The following ITPR1 variants were observed in gnomAD, a reference collection of about 807,000 sequenced individuals.
The protein encoded by ITPR1 is inositol 1,4,5-trisphosphate-gated calcium channel ITPR1.
A neutral mutation model predicts 318.4 loss-of-function variants in ITPR1; 96 were observed. The ratio of observed to expected loss-of-function variants is 0.30; its 90% CI spans 0.26 to 0.36. The LOEUF (loss-of-function observed/expected upper bound fraction) is 0.36. Among genes scored for constraint, ITPR1 ranks in the 10% least tolerant of loss-of-function variants. The pLI is 1.00. For synonymous variants in ITPR1, 1,312 were observed against 1,289.9 expected, an observed-to-expected ratio of 1.02 and a Z score of -0.37; for missense variants, 2,440 against 3,460.2, an observed-to-expected ratio of 0.71 and a Z score of 7.40.
chr3:4,697,263 C>T lies in ITPR1; in HGVS notation c.4398C>T (p.Asp1466=), dbSNP rs1160840466. Reference sequence around the variant, plus strand: ...AATTGTTTGAGAATTTCCTTGTAGACATCTGCAGGGTAAGGCTTTTGGAAC... The same window carrying T: ...AATTGTTTGAGAATTTCCTTGTAGATATCTGCAGGGTAAGGCTTTTGGAAC... ...MWKLFENFLV[D]ICRACNNTSD... Residue 1466 remains aspartate (D), a synonymous_variant, in exon 34 of 62, where the codon GAC becomes GAT. Transcript: ENST00000649015. The T allele has an allele frequency of 3.2e-6, 5 of 1,555,364 alleles. No individual in the cohort carries two copies. Among genetic ancestry groups the T allele is most frequent in the Non-Finnish European group, 3.5e-6 (4 of 1,148,948 alleles).
intron 49 of ITPR1, among the ~76,000 whole-genome samples, chr3:4,780,961 T>C (rs2046795017): frequency 6.6e-6 from 1 of 152,252 alleles, no homozygotes; most frequent in African/African-American, 2.4e-5. Context: ...AACATCATTC[T>C]GGCTCATAGG....
At position 4,710,221 on chromosome 3, in the gene ITPR1, T is replaced by A. The variant is rs748784054; in HGVS notation, c.4843-104T>A. The stretch of plus-strand genomic sequence containing the variant: ...AGACGGTACTAAAGTTACTCTAACC[T>A]AGCCTACCCGTGCATCAGTGTTTTA... On this transcript the variant is annotated intron_variant, in intron 37 of 61. Coordinates refer to ENST00000649015, the MANE Select transcript of ITPR1 (RefSeq NM_001378452.1). This position sits in a 1 kb window ranked among gnomAD's most constrained non-coding sequence, Gnocchi z 4.2. The A allele has an allele frequency of 8.9e-7, 1 of 1,126,220 alleles. No homozygotes were observed. The highest frequency in any genetic ancestry group is 1.2e-6 in the Non-Finnish European group (1 of 838,574). 69.8% of individuals were successfully genotyped at this position (1,126,220 alleles called of 1,614,324 possible).
Position 4,782,482 on chromosome 3 carries a change from G to C in ITPR1, c.6388-137G>C, listed in dbSNP as rs1010521983. 4 of 762,672 alleles carry C rather than the reference G, an allele frequency of 5.2e-6. No individual in the cohort carries two copies. The African/African-American group carries it at 7.2e-5, about 14-fold the overall frequency. The allele number at this position is 762,672 out of a possible 1,614,324, so 47.2% of individuals were successfully genotyped here. A position where few individuals can be genotyped will look rare whatever the true frequency, so the allele number is the denominator to read the frequency against. On this transcript the variant is annotated intron_variant, in intron 49 of 61. Transcript: ENST00000649015. ...CAGTGTCATGAAGGATTCTGAGGCTGTGTCCAAGCCCGATAGGAGAGAGTG... is the reference window on the plus strand; with the variant it reads ...CAGTGTCATGAAGGATTCTGAGGCTCTGTCCAAGCCCGATAGGAGAGAGTG...
chr3:4,630,589 A>T (rs1208374814), intron 5 of ITPR1, among the ~76,000 whole-genome samples: 2 of 144,244 alleles, frequency 1.4e-5, no homozygotes, highest in African/African-American at 5.1e-5. Context: ...TATTATTATT[A>T]TTATTATTAT....
chr3:4,522,914 T>A (rs887183595), intron 4 of ITPR1, among the ~76,000 whole-genome samples: 1 of 152,196 alleles, frequency 6.6e-6, no homozygotes, highest in Non-Finnish European at 1.5e-5. Context: ...TTCTCAACTT[T>A]GGCTGCACAG....
intron 4 of ITPR1, among the ~76,000 whole-genome samples, chr3:4,621,940 C>T (rs62231566): frequency 0.12 from 18,861 of 152,004 alleles, 1,280 homozygotes; most frequent in Middle Eastern, 0.18. Context: ...CCACCTCAGC[C>T]CTAGTGCATC....
At chr3:4,586,149 T>G (rs2089878222) in intron 4 of ITPR1, among the ~76,000 whole-genome samples, 1 of 152,244 alleles carries the variant, frequency 6.6e-6, no homozygotes, top group African/African-American at 2.4e-5. Context: ...TGCCACATTT[T>G]CTTAATCCAG....
chr3:4,605,215 G>A (rs2091618062), intron 4 of ITPR1, among the ~76,000 whole-genome samples: 1 of 152,136 alleles, frequency 6.6e-6, no homozygotes, highest in Admixed American at 6.5e-5. Context: ...GCCTCCCAAA[G>A]TTCTGGGATT....
In ITPR1 at chr3:4,531,002, GCTTT is replaced by G. The variant is rs374915776; in HGVS notation, c.163+9911_163+9914del. On this transcript the variant is annotated intron_variant, in intron 4 of 61. Coordinates refer to ENST00000649015, the MANE Select transcript of ITPR1 (RefSeq NM_001378452.1). ...TAAGTACCTTCCTCCTTTGTGCTTGGCTTTCTGATAGGGTCATGCATGCTTTTGT... is the reference window on the plus strand; with the variant it reads ...TAAGTACCTTCCTCCTTTGTGCTTGGCTGATAGGGTCATGCATGCTTTTGT... 5.3e-4 allele frequency among the ~76,000 whole-genome samples: 81 copies of G among 152,168 alleles called. 2 individuals carry two copies. The East Asian group carries it at 0.014, about 27-fold the overall frequency.
chr3:4,612,450 G>A (rs538881557), intron 4 of ITPR1, among the ~76,000 whole-genome samples: 4 of 152,244 alleles, frequency 2.6e-5, no homozygotes, highest in African/African-American at 9.6e-5. Context: ...AAGGACAATG[G>A]CAGTACCTCA....
chr3:4,538,777 C>T (rs1186333143), intron 4 of ITPR1, among the ~76,000 whole-genome samples: 1 of 152,050 alleles, frequency 6.6e-6, no homozygotes, highest in Non-Finnish European at 1.5e-5. Context: ...AATTCAAGAA[C>T]AGAAAACCAA....
chr3:4,683,985 C>T (rs41289640), intron 28 of ITPR1, among the ~76,000 whole-genome samples, 187 bp downstream of exon 28: 1,860 of 152,294 alleles, frequency 0.012, 20 homozygotes, highest in Non-Finnish European at 0.02. Flanking sequence ...AGCTATGTCT[C>T]CTGTGCAGCC....
At chr3:4,839,777 T>G (rs1402008107) in intron 61 of ITPR1, among the ~76,000 whole-genome samples, 1 of 152,356 alleles carries the variant, frequency 6.6e-6, no homozygotes, top group East Asian at 1.9e-4. Flanking sequence ...TTAAGTGACA[T>G]TAAAACCAGT....
chr3:4,843,074 GTTT>G (rs11404208), intron 61 of ITPR1, among the ~76,000 whole-genome samples: 2 of 105,442 alleles, frequency 1.9e-5, no homozygotes, highest in Non-Finnish European at 3.7e-5. Flanking sequence ...GTTTTGAGGG[GTTT>G]TTTTTTTTTT....
At chr3:4,792,648 C>T (rs1575269572) in intron 52 of ITPR1, among the ~76,000 whole-genome samples, 1 of 152,172 alleles carries the variant, frequency 6.6e-6, no homozygotes, top group Non-Finnish European at 1.5e-5. Flanking sequence ...GCTTCAGCAT[C>T]CTCATGACAT....
intron 52 of ITPR1, among the ~76,000 whole-genome samples, chr3:4,792,879 C>G (rs1426206225): frequency 6.6e-6 from 1 of 152,106 alleles, no homozygotes. Context: ...GGAGGAGGAT[C>G]AAATAATTCA....
chr3:4,813,147 G>C lies in ITPR1; in HGVS notation c.7474G>C (p.Gly2492Arg). 1 of 1,613,852 alleles carries C rather than the reference G, an allele frequency of 6.2e-7. No homozygotes were observed. Among genetic ancestry groups the C allele is most frequent in the Non-Finnish European group, 8.5e-7 (1 of 1,179,794 alleles). Reference sequence around the variant, plus strand: ...AATTTCCTTCTCTCTCCCAGAAACCGGCGAGAGTTTGGCAAGCGAGTTCCT... The same window carrying C: ...AATTTCCTTCTCTCTCCCAGAAACCCGCGAGAGTTTGGCAAGCGAGTTCCT... ...LPNETAVPET[G>R]ESLASEFLFS... The change falls in exon 57 of 62, where the codon GGC becomes CGC. Residue 2492 changes from glycine to arginine, a missense_variant. Coordinates refer to ENST00000649015, the MANE Select transcript of ITPR1 (RefSeq NM_001378452.1).
Position 4,780,383 on chromosome 3 carries a change from T to G in ITPR1, c.6387+738T>G, listed in dbSNP as rs116227571. On this transcript the variant is annotated intron_variant, in intron 49 of 61. Transcript: ENST00000649015. Reference sequence around the variant, plus strand: ...GCTGACGTTTGGATTTTTTGTTTGTTTCATTTAAAGAAAACACGATCTGGT... The same window carrying G: ...GCTGACGTTTGGATTTTTTGTTTGTGTCATTTAAAGAAAACACGATCTGGT... Among the ~76,000 whole-genome samples the G allele has an allele frequency of 5.9e-3, 892 of 152,328 alleles. 3 individuals are homozygous for G. Among genetic ancestry groups the G allele is most frequent in the Admixed American group, 0.013 (204 of 15,298 alleles).
rs1235345907 is a variant in ITPR1 at position 4,795,165 on chromosome 3, C to T, written c.6909C>T (p.Tyr2303=). ...VLMNLLVAFF[Y]PFKGVRGGTL... Reference sequence around the variant, plus strand: ...TGAACCTGCTGGTGGCGTTTTTCTACCCGTTTAAGGGAGTCCGAGGAGGTA... The same window carrying T: ...TGAACCTGCTGGTGGCGTTTTTCTATCCGTTTAAGGGAGTCCGAGGAGGTA... Residue 2303 remains tyrosine (Y), a synonymous_variant, in exon 53 of 62, where the codon TAC becomes TAT. Transcript: ENST00000649015. 3 of 1,613,502 alleles carry T rather than the reference C, an allele frequency of 1.9e-6. No individual in the cohort carries two copies. Among genetic ancestry groups the T allele is most frequent in the Non-Finnish European group, 2.5e-6 (3 of 1,179,768 alleles).
Sources: gnomAD v4.1 joint callset for allele counts (sites outside exome capture counted in the v4.1 genomes callset) on GRCh38, gnomAD v4.1.1 for gene constraint, Gnocchi (gnomAD v3.1) non-coding constraint, MANE v1.5 for transcripts, NCBI Gene and HGNC (gene_info 2026-07-23, HGNC 2026-07-21) for gene names.